Variants in CFAP43 observed in about 807,000 individuals in gnomAD.
CFAP43 encodes cilia and flagella associated protein 43, also known as cilia- and flagella-associated protein 43.
Under a neutral mutation model 218.9 loss-of-function variants are expected in CFAP43, and 155 were observed. The observed-to-expected ratio is 0.71, with a 90% CI of 0.62 to 0.81. The LOEUF (loss-of-function observed/expected upper bound fraction) is 0.81, where lower values mean the gene tolerates loss of function less well. CFAP43 is among the 30% of genes least tolerant of loss of function. CFAP43 has a pLI of 0.00. For synonymous variants in CFAP43, 645 were observed against 681.3 expected, an observed-to-expected ratio of 0.95 and a Z score of 0.83; for missense variants, 1,778 against 1,954.3, an observed-to-expected ratio of 0.91 and a Z score of 1.70.
At chr10:104,186,479 T>A (rs77913674) in intron 14 of CFAP43, among the ~76,000 whole-genome samples, 2 of 152,194 alleles carry the variant, frequency 1.3e-5, no homozygotes, top group African/African-American at 4.8e-5. Flanking sequence ...GTATGTTTCA[T>A]GCATTCCTAC....
chr10:104,145,357 T>C, intron 31 of CFAP43, 119 bp downstream of exon 31: 1 of 588,138 alleles, frequency 1.7e-6, no homozygotes, highest in Non-Finnish European at 2.9e-6. Flanking sequence ...CATCTCCACC[T>C]AAAAGATATT....
intron 17 of CFAP43, among the ~76,000 whole-genome samples, chr10:104,180,870 C>T (rs770561238): frequency 6.6e-6 from 1 of 152,144 alleles, no homozygotes; most frequent in African/African-American, 2.4e-5. Context: ...TCCTCTGCAT[C>T]CCTGAACTCT....
At chr10:104,229,906 G>A (rs703343) in intron 2 of CFAP43, among the ~76,000 whole-genome samples, 50,833 of 151,870 alleles carry the variant, frequency 0.33, 9,774 homozygotes, top group African/African-American at 0.54. Flanking sequence ...AGAAAAAAAA[G>A]TCATTGCTCT....
intron 11 of CFAP43, chr10:104,193,211 T>A (rs2090281391): frequency 6.6e-6 from 1 of 152,216 alleles, no homozygotes. Flanking sequence ...TGTTCATTAA[T>A]ATACCGTTTT....
intron 4 of CFAP43, among the ~76,000 whole-genome samples, chr10:104,212,814 C>G (rs2090904653): frequency 6.6e-6 from 1 of 152,058 alleles, no homozygotes; most frequent in Admixed American, 6.6e-5. Flanking sequence ...TCAAAACTTC[C>G]TTGCCTAGAT....
intron 34 of CFAP43, among the ~76,000 whole-genome samples, chr10:104,137,428 C>G (rs1042514557): frequency 6.6e-6 from 1 of 152,070 alleles, no homozygotes; most frequent in Admixed American, 6.6e-5. Context: ...ACAGAAAATG[C>G]AGATTAGTGG....
chr10:104,221,379 A>G (rs2091176193), intron 3 of CFAP43, among the ~76,000 whole-genome samples: 1 of 152,096 alleles, frequency 6.6e-6, no homozygotes, highest in Non-Finnish European at 1.5e-5. Flanking sequence ...TGGTGATGGT[A>G]TTGGGGTATT....
intron 10 of CFAP43, among the ~76,000 whole-genome samples, chr10:104,194,816 A>G (rs1448723503): frequency 6.6e-6 from 1 of 152,218 alleles, no homozygotes; most frequent in African/African-American, 2.4e-5. Flanking sequence ...ATTTTGCAAA[A>G]TAGAAAACAC....
chr10:104,212,759 G>T (rs767863214), intron 4 of CFAP43, among the ~76,000 whole-genome samples: 2 of 152,000 alleles, frequency 1.3e-5, no homozygotes, highest in Non-Finnish European at 2.9e-5. Context: ...TTATAATATG[G>T]TTATAAAGGT....
chr10:104,133,233 C>T (rs549584389), intron 35 of CFAP43, among the ~76,000 whole-genome samples: 14 of 152,010 alleles, frequency 9.2e-5, no homozygotes, highest in Admixed American at 7.9e-4. Flanking sequence ...TCTTGAAGAA[C>T]GGCTATATTG....
chr10:104,146,125 A>G (rs991545457), intron 30 of CFAP43, 138 bp downstream of exon 30: 2 of 611,076 alleles, frequency 3.3e-6, no homozygotes, highest in African/African-American at 3.8e-5. Flanking sequence ...ATGGCATAGA[A>G]TGAAGTTCAC....
chr10:104,160,214 A>C (rs2088799445), intron 27 of CFAP43, among the ~76,000 whole-genome samples: 1 of 152,212 alleles, frequency 6.6e-6, no homozygotes, highest in Non-Finnish European at 1.5e-5. Flanking sequence ...TTTATTCCTT[A>C]GGCATCTATA....
At chr10:104,175,260 C>CA (rs1390561680) in intron 19 of CFAP43, among the ~76,000 whole-genome samples, 1 of 151,664 alleles carries the variant, frequency 6.6e-6, no homozygotes, top group Admixed American at 6.6e-5. Flanking sequence ...CCTGTCTCTT[C>CA]AAAAAAATAC....
At chr10:104,213,412 C>G (rs985885476) in intron 4 of CFAP43, among the ~76,000 whole-genome samples, 2 of 152,178 alleles carry the variant, frequency 1.3e-5, no homozygotes, top group East Asian at 3.8e-4. Context: ...CAAAAGCACC[C>G]ATTATCACCA....
intron 27 of CFAP43, among the ~76,000 whole-genome samples, chr10:104,154,400 A>T (rs2088432608): frequency 6.6e-6 from 1 of 152,214 alleles, no homozygotes; most frequent in South Asian, 2.1e-4. Context: ...CAGGACAAAG[A>T]CCATCCAAAT....
At chr10:104,196,463 T>G (rs1261282004) in intron 10 of CFAP43, among the ~76,000 whole-genome samples, 1 of 152,120 alleles carries the variant, frequency 6.6e-6, no homozygotes, top group East Asian at 1.9e-4. Flanking sequence ...CTTTCAGCAC[T>G]CTCTTCCTCT....
At chr10:104,221,378 T>C (rs948651057) in intron 3 of CFAP43, among the ~76,000 whole-genome samples, 1 of 152,040 alleles carries the variant, frequency 6.6e-6, no homozygotes, top group Admixed American at 6.6e-5. Flanking sequence ...ATGGTGATGG[T>C]ATTGGGGTAT....
At chr10:104,225,595 TA>T (rs764595851) in intron 2 of CFAP43, 38 bp from the exon 3 acceptor site, 2 of 1,529,986 alleles carry the variant, frequency 1.3e-6, no homozygotes. Flanking sequence ...TTGATTATGT[TA>T]AGACCATGTT....
intron 20 of CFAP43, 144 bp from the exon 21 acceptor site, chr10:104,168,992 G>A: frequency 4.8e-6 from 3 of 627,910 alleles, no homozygotes; most frequent in Non-Finnish European, 2.8e-6. Flanking sequence ...GAGCCACCTT[G>A]CACTGAGATG....
Sources: allele counts gnomAD v4.1 joint callset (sites outside exome capture counted in the v4.1 genomes callset), GRCh38; gene constraint gnomAD v4.1.1; transcripts MANE v1.5; gene names NCBI Gene and HGNC (gene_info 2026-07-23, HGNC 2026-07-21).